Variants in ADGRL2 observed in about 807,000 individuals in gnomAD.
ADGRL2 encodes calcium-independent alpha-latrotoxin receptor 2.
A neutral mutation model predicts 157.4 loss-of-function variants in ADGRL2; 44 were observed. That is an observed-to-expected ratio of 0.28 (90% CI 0.22 to 0.36). The LOEUF is 0.36. Among genes scored for constraint, ADGRL2 ranks in the 10% least tolerant of loss-of-function variants. ADGRL2 has a pLI of 1.00. For missense variants in ADGRL2, 1,510 were observed against 1,768.9 expected (o/e 0.85, Z 2.63); for synonymous variants, 585 against 624.7 (o/e 0.94, Z 0.95).
chr1:81,654,415 C>T (rs771734869), intron 3 of ADGRL2, among the ~76,000 whole-genome samples: 1 of 152,164 alleles, frequency 6.6e-6, no homozygotes, highest in Non-Finnish European at 1.5e-5. Context: ...CTCCCTTATT[C>T]AAGCCCATTT....
chr1:81,946,559 A>G (rs909853520), intron 6 of ADGRL2, among the ~76,000 whole-genome samples: 3 of 152,098 alleles, frequency 2.0e-5, no homozygotes, highest in African/African-American at 7.2e-5. Context: ...TGATATCCCA[A>G]ATATTATAAA....
intron 1 of ADGRL2, among the ~76,000 whole-genome samples, chr1:81,726,010 A>ACAAAT (rs200345341): frequency 6.7e-6 from 1 of 150,300 alleles, no homozygotes; most frequent in Non-Finnish European, 1.5e-5. Flanking sequence ...ACAAAACAAA[A>ACAAAT]ACCCAAAAAC....
intron 1 of ADGRL2, among the ~76,000 whole-genome samples, chr1:81,383,178 C>A (rs543175178): frequency 6.6e-6 from 1 of 152,186 alleles, no homozygotes; most frequent in Non-Finnish European, 1.5e-5. Context: ...AGGAAAAGAA[C>A]TTTTTCCTCT....
chr1:81,394,118 A>G lies in ADGRL2; in HGVS notation c.-301-50918A>G, dbSNP rs1018272007. On this transcript the variant is annotated intron_variant, in intron 1 of 24. Coordinates refer to the ADGRL2 transcript ENST00000370721. ...AAAATGCAAGTTTGAGTAGCTCTAC[A>G]CTTTCTCCTATCAAAAATAATGGGT... Among the ~76,000 whole-genome samples, 5 of 152,236 alleles carry G rather than the reference A, an allele frequency of 3.3e-5. No individual in the cohort carries two copies. In the East Asian group the frequency reaches 9.6e-4, roughly 29 times the overall value.
At chr1:81,892,968 C>T (rs975336847) in intron 2 of ADGRL2, among the ~76,000 whole-genome samples, 1 of 152,076 alleles carries the variant, frequency 6.6e-6, no homozygotes, top group African/African-American at 2.4e-5. Context: ...AAATTAACAT[C>T]ACAGTTTTCT....
At position 81,816,677 on chromosome 1, in the gene ADGRL2, G is replaced by T. The variant is rs561983824; in HGVS notation, c.-101+15609G>T. Among the ~76,000 whole-genome samples, 19 of 151,944 alleles carry T rather than the reference G, an allele frequency of 1.3e-4. No homozygotes were observed. The South Asian group carries it at 3.7e-3, about 30-fold the overall frequency. On this transcript the variant is annotated intron_variant, in intron 1 of 23. Coordinates refer to ENST00000686636, the MANE Select transcript of ADGRL2 (RefSeq NM_001366006.2). ...TTAATGTGTATTTAAGCCCTCCATA[G>T]TTAAAAAGATGTTTACAGTACTTTC...
intron 2 of ADGRL2, among the ~76,000 whole-genome samples, chr1:81,496,512 A>T (rs1453020103): frequency 6.6e-6 from 1 of 152,196 alleles, no homozygotes; most frequent in African/African-American, 2.4e-5. Flanking sequence ...TCATCCATCT[A>T]AACAAAAAGC....
At chr1:81,957,457 G>C (rs1653887518) in intron 11 of ADGRL2, among the ~76,000 whole-genome samples, 1 of 152,192 alleles carries the variant, frequency 6.6e-6, no homozygotes, top group Non-Finnish European at 1.5e-5. Flanking sequence ...CCAGCACTTT[G>C]GGAGGCCGAG....
At chr1:81,725,151 G>C (rs1173059370) in intron 1 of ADGRL2, among the ~76,000 whole-genome samples, 2 of 148,542 alleles carry the variant, frequency 1.3e-5, no homozygotes, top group Non-Finnish European at 3.0e-5. Flanking sequence ...GTTGCAGTGA[G>C]CCGAGACTGT....
intron 1 of ADGRL2, among the ~76,000 whole-genome samples, chr1:81,404,998 C>A (rs969208378): frequency 5.3e-5 from 8 of 152,144 alleles, no homozygotes; most frequent in African/African-American, 1.9e-4. Flanking sequence ...AATAATTTTT[C>A]AGTTATTCCT....
rs1489013488 is a variant in ADGRL2 at position 81,991,903 on chromosome 1, T to C, written c.*758T>C. The C allele has an allele frequency of 6.6e-6, 1 of 152,670 alleles. No individual in the cohort carries two copies. Among genetic ancestry groups the C allele is most frequent in the Non-Finnish European group, 1.5e-5 (1 of 68,042 alleles). 9.5% of individuals were successfully genotyped at this position (152,670 alleles called of 1,614,324 possible). The stretch of plus-strand genomic sequence containing the variant: ...GCACATGTTATGAAATGTTTTTTCT[T>C]ACACTTTGTCATGGTAAGTTCTACT... On this transcript the variant is annotated 3_prime_UTR_variant, in exon 24 of 24. Transcript: ENST00000686636.
At chr1:81,895,580 A>T (rs2094367781) in intron 2 of ADGRL2, among the ~76,000 whole-genome samples, 1 of 151,830 alleles carries the variant, frequency 6.6e-6, no homozygotes, top group African/African-American at 2.4e-5. Flanking sequence ...TTTTTAGTAG[A>T]GACGGGGTTT....
Position 81,943,540 on chromosome 1 carries a change from G to A in ADGRL2, c.981G>A (p.Val327=), listed in dbSNP as rs897135491. 1 of 1,613,588 alleles carries A rather than the reference G, an allele frequency of 6.2e-7. No homozygotes were observed. Among genetic ancestry groups the A allele is most frequent in the African/African-American group, 1.3e-5 (1 of 74,872 alleles). ...NAFMICGVLY[V]VRSVYQDNES... The stretch of plus-strand genomic sequence containing the variant: ...TTATGATATGCGGAGTCCTCTATGT[G>A]GTTAGGTCAGTTTATCAAGACAATG... Residue 327 remains valine (V), a synonymous_variant, in exon 6 of 24, where the codon GTG becomes GTA. Coordinates refer to ENST00000686636, the MANE Select transcript of ADGRL2 (RefSeq NM_001366006.2). This position sits in a 1 kb window ranked among gnomAD's most constrained non-coding sequence, Gnocchi z 5.6.
chr1:81,884,995 AATGG>A (rs2151296482), intron 2 of ADGRL2, among the ~76,000 whole-genome samples: 1 of 152,322 alleles, frequency 6.6e-6, no homozygotes, highest in African/African-American at 2.4e-5. Flanking sequence ...AAGTGTCTTT[AATGG>A]ATTAGTTAAG....
Position 81,992,474 on chromosome 1 carries a change from G to T in ADGRL2, c.*1329G>T, listed in dbSNP as rs530218278. The T allele has an allele frequency of 9.8e-5, 15 of 152,574 alleles. No individual in the cohort carries two copies. The highest frequency in any genetic ancestry group is 1.8e-4 in the Non-Finnish European group (12 of 68,004). The allele number at this position is 152,574 out of a possible 1,614,324, so 9.5% of individuals were successfully genotyped here. On this transcript the variant is annotated 3_prime_UTR_variant, in exon 24 of 24. Coordinates refer to ENST00000686636, the MANE Select transcript of ADGRL2 (RefSeq NM_001366006.2). ...ATACATAATTGGCTTTAACATGTTGGTCCATTCCCACCTTGGTTTAAGTAA... is the reference window on the plus strand; with the variant it reads ...ATACATAATTGGCTTTAACATGTTGTTCCATTCCCACCTTGGTTTAAGTAA...
chr1:81,427,436 G>T, intron 1 of ADGRL2: 2 of 752,144 alleles, frequency 2.7e-6, no homozygotes, highest in Non-Finnish European at 2.4e-6. Flanking sequence ...AGGAAATTTG[G>T]TGGTGGTAAC....
intron 2 of ADGRL2, among the ~76,000 whole-genome samples, chr1:81,516,156 G>A (rs2079173026): frequency 6.6e-6 from 1 of 152,130 alleles, no homozygotes; most frequent in Non-Finnish European, 1.5e-5. Context: ...TAGAATAAAT[G>A]CCCATAAGTG....
chr1:81,809,462 A>G (rs987594704), intron 1 of ADGRL2, among the ~76,000 whole-genome samples: 8 of 151,978 alleles, frequency 5.3e-5, no homozygotes, highest in East Asian at 3.9e-4. Flanking sequence ...GTTCTTGGCT[A>G]TGAGAGATGG....
At chr1:81,913,561 G>A (rs899407372) in intron 3 of ADGRL2, among the ~76,000 whole-genome samples, 2 of 152,162 alleles carry the variant, frequency 1.3e-5, no homozygotes, top group Admixed American at 6.5e-5. Flanking sequence ...TATAGGCCAT[G>A]GCTTCTATTT....
Sources: allele counts gnomAD v4.1 joint callset (sites outside exome capture counted in the v4.1 genomes callset), GRCh38; gene constraint gnomAD v4.1.1; non-coding constraint Gnocchi (gnomAD v3.1); transcripts MANE v1.5; gene names NCBI Gene and HGNC (gene_info 2026-07-23, HGNC 2026-07-21).